ZSWIM9: variants seen among roughly 807,000 people sequenced by gnomAD.
ZSWIM9 encodes the protein uncharacterized protein ZSWIM9.
In ZSWIM9, 11 loss-of-function variants were observed where a neutral mutation model predicts 25.0. The ratio of observed to expected loss-of-function variants is 0.44; its 90% CI spans 0.28 to 0.73. ZSWIM9 has a LOEUF of 0.73. Among genes scored for constraint, ZSWIM9 ranks in the 30% least tolerant of loss-of-function variants. The probability of loss-of-function intolerance (pLI) is 0.16; values close to 1 mark genes in which losing one functional copy is unlikely to be tolerated. For synonymous variants in ZSWIM9, 562 were observed against 582.1 expected (o/e 0.97, Z 0.50); for missense variants, 1,070 against 1,296.5 (o/e 0.83, Z 2.68).
chr19:48,196,170 G>A lies in ZSWIM9; in HGVS notation c.2106G>A (p.Ala702=). 1 of 1,235,490 alleles carries A rather than the reference G, an allele frequency of 8.1e-7. No individual in the cohort carries two copies. Among genetic ancestry groups the A allele is most frequent in the Non-Finnish European group, 1.0e-6 (1 of 990,406 alleles). 76.5% of individuals were successfully genotyped at this position (1,235,490 alleles called of 1,614,324 possible). A position where few individuals can be genotyped will look rare whatever the true frequency, so the allele number is the denominator to read the frequency against. Reference sequence around the variant, plus strand: ...CAGAGATTGCAGAGGAGAGGGGAGCGAGGGTGGGGGTCAAAAGAAGAAGGG... The same window carrying A: ...CAGAGATTGCAGAGGAGAGGGGAGCAAGGGTGGGGGTCAAAAGAAGAAGGG... ...RGPEIAEERG[A]RVGVKRRRGL... The change falls in exon 4 of 4, where the codon GCG becomes GCA. Residue 702 remains alanine (A), a synonymous_variant. Coordinates refer to ENST00000614654, the MANE Select transcript of ZSWIM9 (RefSeq NM_199341.4).
intron 3 of ZSWIM9, among the ~76,000 whole-genome samples, chr19:48,187,222 A>G (rs1287941909): frequency 6.7e-6 from 1 of 148,834 alleles, no homozygotes; most frequent in African/African-American, 2.5e-5. Context: ...GCCATTTTAA[A>G]AAAAAGATGT....
intron 2 of ZSWIM9, among the ~76,000 whole-genome samples, chr19:48,178,731 G>A (rs1292708103): frequency 2.0e-5 from 3 of 151,970 alleles, no homozygotes; most frequent in East Asian, 1.9e-4. Context: ...GTGTGCCACC[G>A]CACCTGGCTA....
chr19:48,175,616 C>G (rs1568574065), intron 2 of ZSWIM9, among the ~76,000 whole-genome samples: 1 of 151,994 alleles, frequency 6.6e-6, no homozygotes, highest in Non-Finnish European at 1.5e-5. Context: ...GAAGATCCCT[C>G]TGGGGCCGTG....
chr19:48,178,711 G>A (rs1431147011), intron 2 of ZSWIM9, among the ~76,000 whole-genome samples: 2 of 152,110 alleles, frequency 1.3e-5, no homozygotes, highest in Non-Finnish European at 2.9e-5. Context: ...GAGTAGCTGG[G>A]ACTATGGGCG....
At chr19:48,177,728 G>T (rs972629554) in intron 2 of ZSWIM9, among the ~76,000 whole-genome samples, 3 of 152,152 alleles carry the variant, frequency 2.0e-5, no homozygotes, top group South Asian at 4.1e-4. Context: ...AAAAGCCCAC[G>T]AATTATTCTA....
chr19:48,171,362 C>G, intron 1 of ZSWIM9: 2 of 985,234 alleles, frequency 2.0e-6, no homozygotes, highest in African/African-American at 1.7e-5. Flanking sequence ...AGGAGGAGTT[C>G]CAGATGAATA....
chr19:48,177,652 C>T (rs1167259967), intron 2 of ZSWIM9, among the ~76,000 whole-genome samples: 1 of 152,106 alleles, frequency 6.6e-6, no homozygotes, highest in African/African-American at 2.4e-5. Context: ...GGTGACCTAC[C>T]CGGAGCAAGG....
chr19:48,172,142 G>GGT, intron 2 of ZSWIM9, 65 bp downstream of exon 2: 15 of 546,366 alleles, frequency 2.7e-5, no homozygotes, highest in Non-Finnish European at 3.9e-5. Context: ...GTGTGGGTGG[G>GGT]AGACGGGCAG....
At chr19:48,188,492 G>T (rs2037057124) in intron 3 of ZSWIM9, among the ~76,000 whole-genome samples, 1 of 151,910 alleles carries the variant, frequency 6.6e-6, no homozygotes, top group Non-Finnish European at 1.5e-5. Context: ...CTCCCAAAGT[G>T]CTGGGATTAC....
chr19:48,174,303 T>C (rs2036870967), intron 2 of ZSWIM9, among the ~76,000 whole-genome samples: 2 of 152,074 alleles, frequency 1.3e-5, no homozygotes, highest in South Asian at 4.2e-4. Context: ...TTTCTCATCC[T>C]TTGAAATGGG....
chr19:48,182,407 G>T lies in ZSWIM9; in HGVS notation c.276-48G>T. On this transcript the variant is annotated intron_variant, in intron 2 of 3. Coordinates refer to ENST00000614654, the MANE Select transcript of ZSWIM9 (RefSeq NM_199341.4). The surrounding 1 kb of genome is among the most constrained non-coding windows in gnomAD (Gnocchi z 4.6). ...AAAAAAGGTGAGTGGAAAGGAAGAA[G>T]AGGGCAGCAGAGTGATGTGACCAGG... 7 of 1,347,120 alleles carry T rather than the reference G, an allele frequency of 5.2e-6. No individual in the cohort carries two copies. The highest frequency in any genetic ancestry group is 7.0e-6 in the Non-Finnish European group (7 of 1,006,524). The allele number at this position is 1,347,120 out of a possible 1,614,324, so 83.4% of individuals were successfully genotyped here.
chr19:48,188,347 T>G (rs77544963), intron 3 of ZSWIM9, among the ~76,000 whole-genome samples: 1 of 151,972 alleles, frequency 6.6e-6, no homozygotes, highest in Non-Finnish European at 1.5e-5. Context: ...CTCAGCCTCT[T>G]GAGTAGCTGG....
rs184120583 is a variant in ZSWIM9 at position 48,182,961 on chromosome 19, C to T, written c.588+194C>T. The T allele has an allele frequency of 2.7e-3, 1,584 of 593,222 alleles. 5 individuals are homozygous for T. The highest frequency in any genetic ancestry group is 4.6e-3 in the Admixed American group (152 of 33,108). The allele number at this position is 593,222 out of a possible 1,614,324, so 36.7% of individuals were successfully genotyped here. A position where few individuals can be genotyped will look rare whatever the true frequency, so the allele number is the denominator to read the frequency against. On this transcript the variant is annotated intron_variant, in intron 3 of 3. Transcript: ENST00000614654. The surrounding 1 kb of genome is among the most constrained non-coding windows in gnomAD (Gnocchi z 4.6). ...AAACCAGACCCACGTGGTCTCTGTC[C>T]GCAGAGAGCTTACCTTCTAGGGTAG...
intron 3 of ZSWIM9, among the ~76,000 whole-genome samples, chr19:48,187,415 A>AATTATATATTATATTATATTATATAT (rs1568579295): frequency 5.3e-5 from 4 of 75,552 alleles, no homozygotes; most frequent in South Asian, 4.1e-4. Context: ...TATATATTAT[A>AATTATATATTATATTATATTATATAT]ATTATATATT....
chr19:48,182,387 A>AAG lies in ZSWIM9; in HGVS notation c.276-68_276-67insAG. 2 of 1,236,890 alleles carry AAG rather than the reference A, an allele frequency of 1.6e-6. No homozygotes were observed. Among genetic ancestry groups the AAG allele is most frequent in the South Asian group, 3.1e-5 (2 of 64,578 alleles). The allele number at this position is 1,236,890 out of a possible 1,614,324, so 76.6% of individuals were successfully genotyped here. On this transcript the variant is annotated intron_variant, in intron 2 of 3. Coordinates refer to ENST00000614654, the MANE Select transcript of ZSWIM9 (RefSeq NM_199341.4). The surrounding 1 kb of genome is among the most constrained non-coding windows in gnomAD (Gnocchi z 4.6). ...AATTCTTAGTTTAAAAAAAAAAAAA[A>AAG]GGTGAGTGGAAAGGAAGAAGAGGGC...
chr19:48,174,339 G>T (rs1408065702), intron 2 of ZSWIM9, among the ~76,000 whole-genome samples: 8 of 151,994 alleles, frequency 5.3e-5, no homozygotes, highest in Non-Finnish European at 8.8e-5. Flanking sequence ...GCCTCATGGG[G>T]CCATTGTGAG....
chr19:48,186,980 T>G (rs1167860954), intron 3 of ZSWIM9, among the ~76,000 whole-genome samples: 1 of 151,976 alleles, frequency 6.6e-6, no homozygotes, highest in Non-Finnish European at 1.5e-5. Flanking sequence ...GATTTGGAGG[T>G]CTAGCTGCTG....
At chr19:48,189,642 TAAAA>T (rs1212289576) in intron 3 of ZSWIM9, 1 of 154,220 alleles carries the variant, frequency 6.5e-6, no homozygotes, top group African/African-American at 2.4e-5. Context: ...ATTTTTAAGT[TAAAA>T]AAGCAAAATG....
intron 2 of ZSWIM9, among the ~76,000 whole-genome samples, chr19:48,176,389 A>G (rs2036893385): frequency 6.6e-6 from 1 of 152,142 alleles, no homozygotes; most frequent in South Asian, 2.1e-4. Flanking sequence ...AGAGACTAGT[A>G]TTACTATTGG....
Sources: gnomAD v4.1 joint callset for allele counts (sites outside exome capture counted in the v4.1 genomes callset) on GRCh38, gnomAD v4.1.1 for gene constraint, Gnocchi (gnomAD v3.1) non-coding constraint, MANE v1.5 for transcripts, NCBI Gene and HGNC (gene_info 2026-07-23, HGNC 2026-07-21) for gene names.